The following MAPK10 variants were observed in gnomAD, a reference collection of about 807,000 sequenced individuals.
The protein encoded by MAPK10 is JNK3 alpha protein kinase.
Under a neutral mutation model 59.3 loss-of-function variants are expected in MAPK10, and 25 were observed. The observed-to-expected ratio is 0.42, with a 90% CI of 0.31 to 0.59. The LOEUF (loss-of-function observed/expected upper bound fraction) is 0.59, where lower values mean the gene tolerates loss of function less well. Ranked by LOEUF, MAPK10 falls within the 20% of genes least tolerant of loss-of-function variation. The probability of loss-of-function intolerance (pLI) is 0.15; values close to 1 mark genes in which losing one functional copy is unlikely to be tolerated. For synonymous variants in MAPK10, 190 were observed against 200.5 expected (o/e 0.95, Z 0.44); for missense variants, 351 against 568.9 (o/e 0.62, Z 3.90).
chr4:86,260,408 T>A (rs1171529498), intron 2 of MAPK10, among the ~76,000 whole-genome samples: 4 of 152,152 alleles, frequency 2.6e-5, no homozygotes, highest in Non-Finnish European at 4.4e-5. Context: ...TTTCTTTCTT[T>A]AGGATTTGTA....
chr4:86,550,293 G>T (rs1379036365), intron 1 of MAPK10, among the ~76,000 whole-genome samples: 1 of 146,588 alleles, frequency 6.8e-6, no homozygotes, highest in Non-Finnish European at 1.5e-5. Context: ...GATCCACAGG[G>T]CTAATTTGGC....
chr4:86,575,121 T>G (rs75284390), intron 1 of MAPK10, among the ~76,000 whole-genome samples: 6,819 of 152,274 alleles, frequency 0.045, 201 homozygotes, highest in African/African-American at 0.052. Flanking sequence ...TCCCTTCTTT[T>G]CTTCCTGTCT....
Position 86,529,123 on chromosome 4 carries a change from A to G in MAPK10, c.-263+64787T>C, listed in dbSNP as rs186213858. On this transcript the variant is annotated intron_variant, in intron 1 of 4. Coordinates refer to the MAPK10 transcript ENST00000502302. ...AGCATCTCTGCATACAACTGTTGCT[A>G]TGCTCTCTGCAGTTGATGGTAACCA... is the stretch of plus-strand genomic sequence containing the variant. 2.2e-3 allele frequency among the ~76,000 whole-genome samples: 340 copies of G among 152,328 alleles called. 1 individual carries two copies. Among genetic ancestry groups the G allele is most frequent in the South Asian group, 7.5e-3 (36 of 4,826 alleles).
At chr4:86,260,177 A>T (rs2093930220) in intron 2 of MAPK10, among the ~76,000 whole-genome samples, 1 of 152,094 alleles carries the variant, frequency 6.6e-6, no homozygotes, top group Admixed American at 6.5e-5. Context: ...ATTTTACCCA[A>T]GATCACTCAG....
At chr4:86,452,073 T>C (rs1750785540) in intron 1 of MAPK10, among the ~76,000 whole-genome samples, 2 of 152,310 alleles carry the variant, frequency 1.3e-5, no homozygotes, top group South Asian at 4.1e-4. Flanking sequence ...ATCCTATAGC[T>C]GATAAGTGTC....
intron 1 of MAPK10, among the ~76,000 whole-genome samples, chr4:86,523,289 C>T (rs1183724898): frequency 6.6e-6 from 1 of 152,136 alleles, no homozygotes; most frequent in Non-Finnish European, 1.5e-5. Flanking sequence ...ACCCCCATCC[C>T]CAATCCCTGC....
chr4:86,364,601 A>G (rs948068125), upstream of MAPK10, among the ~76,000 whole-genome samples: 3 of 152,190 alleles, frequency 2.0e-5, no homozygotes, highest in African/African-American at 7.2e-5. Context: ...ACTTCAGGAA[A>G]ATTACTTTTC....
intron 2 of MAPK10, among the ~76,000 whole-genome samples, chr4:86,296,572 T>C (rs971050416): frequency 2.6e-5 from 4 of 152,178 alleles, no homozygotes; most frequent in Admixed American, 1.3e-4. Context: ...GGAAAAAGCA[T>C]AAAACAGTAT....
At chr4:86,571,371 G>C (rs1482287527) in intron 1 of MAPK10, among the ~76,000 whole-genome samples, 1 of 148,234 alleles carries the variant, frequency 6.7e-6, no homozygotes, top group Non-Finnish European at 1.5e-5. Context: ...TCCAGTAAAA[G>C]ATAGTGAATA....
intron 13 of MAPK10, chr4:86,024,591 T>G (rs1395760039): frequency 6.6e-6 from 1 of 152,254 alleles, no homozygotes; most frequent in Non-Finnish European, 1.5e-5. Flanking sequence ...CAATGTCTAC[T>G]GCTGAGTAGT....
intron 1 of MAPK10, among the ~76,000 whole-genome samples, chr4:86,410,729 C>A (rs1476945563): frequency 1.3e-5 from 2 of 152,174 alleles, no homozygotes; most frequent in Admixed American, 6.5e-5. Flanking sequence ...GTTTGTATTT[C>A]TGTGGGATCG....
chr4:86,064,400 T>G lies in MAPK10; in HGVS notation c.986-10A>C. 1 of 1,610,134 alleles carries G rather than the reference T, an allele frequency of 6.2e-7. No individual in the cohort carries two copies. The highest frequency in any genetic ancestry group is 8.5e-7 in the Non-Finnish European group (1 of 1,178,954). On this transcript the variant is annotated splice_polypyrimidine_tract_variant and intron_variant, in intron 10 of 13. Transcript: ENST00000641462. Reference sequence around the variant, plus strand: ...TCCCTGGCTTGGCTGGCTGAAACAATAAATGAGAAAAACAATTAGTAAGAT... The same window carrying G: ...TCCCTGGCTTGGCTGGCTGAAACAAGAAATGAGAAAAACAATTAGTAAGAT...
intron 1 of MAPK10, among the ~76,000 whole-genome samples, chr4:86,510,230 G>A (rs1355646019): frequency 5.3e-5 from 8 of 151,594 alleles, no homozygotes; most frequent in Non-Finnish European, 8.8e-5. Flanking sequence ...CTCCCACCTC[G>A]GCCTCCCAAG....
intron 10 of MAPK10, among the ~76,000 whole-genome samples, chr4:86,066,021 G>A (rs1373272563): frequency 7.2e-5 from 11 of 152,010 alleles, no homozygotes; most frequent in Admixed American, 4.6e-4. Context: ...TTCTAGTGCC[G>A]TTCATGTATT....
chr4:86,018,132 C>T (rs1273747662), intron 13 of MAPK10, among the ~76,000 whole-genome samples: 1 of 152,172 alleles, frequency 6.6e-6, no homozygotes, highest in African/African-American at 2.4e-5. Context: ...GCCATCTGAG[C>T]CTGGTTGTTT....
At chr4:86,272,973 A>G (rs1281879857) in intron 2 of MAPK10, among the ~76,000 whole-genome samples, 1 of 152,126 alleles carries the variant, frequency 6.6e-6, no homozygotes, top group Admixed American at 6.6e-5. Context: ...TCTGCATGGC[A>G]AGTCTATGGC....
At chr4:86,465,766 C>T (rs749878925) in intron 1 of MAPK10, among the ~76,000 whole-genome samples, 12 of 152,142 alleles carry the variant, frequency 7.9e-5, no homozygotes, top group Non-Finnish European at 1.0e-4. Context: ...GAAGAGATTC[C>T]GGGAGGATCC....
At chr4:86,290,813 C>T (rs1020066645) in intron 2 of MAPK10, among the ~76,000 whole-genome samples, 3 of 152,162 alleles carry the variant, frequency 2.0e-5, no homozygotes, top group African/African-American at 4.8e-5. Context: ...TCTAAGCTTA[C>T]CTCTGGCCAT....
At chr4:86,286,760 G>A (rs1412812541) in intron 2 of MAPK10, among the ~76,000 whole-genome samples, 2 of 152,148 alleles carry the variant, frequency 1.3e-5, no homozygotes, top group South Asian at 2.1e-4. Context: ...GAGGGGGAAG[G>A]TTGTCATCAT....
Sources: gnomAD v4.1 joint callset for allele counts (sites outside exome capture counted in the v4.1 genomes callset) on GRCh38, gnomAD v4.1.1 for gene constraint, MANE v1.5 for transcripts, NCBI Gene and HGNC (gene_info 2026-07-23, HGNC 2026-07-21) for gene names.